Variants in TDRD3 observed in about 807,000 individuals in gnomAD.
TDRD3 encodes tudor domain-containing protein 3.
TDRD3 carries 45 observed loss-of-function variants against 86.7 expected under a neutral mutation model. The ratio of observed to expected loss-of-function variants is 0.52; its 90% CI spans 0.41 to 0.67. TDRD3 has a LOEUF of 0.67. Among genes scored for constraint, TDRD3 ranks in the 30% least tolerant of loss-of-function variants. TDRD3 has a pLI of 0.00. For synonymous variants in TDRD3, 298 were observed against 301.7 expected, an observed-to-expected ratio of 0.99 and a Z score of 0.13; for missense variants, 814 against 889.0, an observed-to-expected ratio of 0.92 and a Z score of 1.07.
chr13:60,421,559 T>G (rs991301706), intron 1 of TDRD3, among the ~76,000 whole-genome samples: 4 of 152,192 alleles, frequency 2.6e-5, no homozygotes, highest in Non-Finnish European at 4.4e-5. Context: ...CTAGGACTTA[T>G]GATAACTAGA....
At chr13:60,481,105 C>A (rs967137080) in intron 5 of TDRD3, among the ~76,000 whole-genome samples, 11 of 151,954 alleles carry the variant, frequency 7.2e-5, no homozygotes, top group Admixed American at 3.9e-4. Context: ...TCTGGTGGGG[C>A]AGTGGGGGCT....
intron 8 of TDRD3, among the ~76,000 whole-genome samples, chr13:60,506,357 A>G (rs1419725783): frequency 6.6e-6 from 1 of 152,232 alleles, no homozygotes. Flanking sequence ...TTTTATCACC[A>G]CCAGGCCTGC....
chr13:60,570,596 T>C (rs1386895252), intron 13 of TDRD3, among the ~76,000 whole-genome samples: 2 of 152,244 alleles, frequency 1.3e-5, no homozygotes, highest in Non-Finnish European at 2.9e-5. Context: ...GTATTTTATT[T>C]CTTTTTAATT....
chr13:60,448,642 G>A (rs530562223), intron 3 of TDRD3, among the ~76,000 whole-genome samples: 3 of 152,188 alleles, frequency 2.0e-5, no homozygotes, highest in South Asian at 4.1e-4. Context: ...TGACTGGAAG[G>A]AAGTGTGGTA....
Position 60,523,952 on chromosome 13 carries a change from T to C in TDRD3, c.1142-4415T>C, listed in dbSNP as rs116719734. Among the ~76,000 whole-genome samples, 1,025 of 152,218 alleles carry C rather than the reference T, an allele frequency of 6.7e-3. 6 individuals are homozygous for C. Among genetic ancestry groups the C allele is most frequent in the African/African-American group, 0.023 (947 of 41,534 alleles). On this transcript the variant is annotated intron_variant, in intron 10 of 13. Transcript: ENST00000377881. Reference sequence around the variant, plus strand: ...TTTAATATTAAATGTTACCCATTTCTACTTGTGCTTTTTTTTTTCCACCTT... The same window carrying C: ...TTTAATATTAAATGTTACCCATTTCCACTTGTGCTTTTTTTTTTCCACCTT...
intron 1 of TDRD3, among the ~76,000 whole-genome samples, chr13:60,432,658 T>C (rs904995528): frequency 3.9e-5 from 6 of 152,176 alleles, no homozygotes; most frequent in Non-Finnish European, 7.4e-5. Context: ...TTTTAAAAAA[T>C]ATCTTTACAA....
intron 4 of TDRD3, chr13:60,461,137 A>C (rs1490084763): frequency 6.6e-6 from 1 of 152,152 alleles, no homozygotes; most frequent in Non-Finnish European, 1.5e-5. Context: ...AATTGTTAGA[A>C]CAAACAGAAT....
chr13:60,540,502 A>G (rs1349392271), intron 12 of TDRD3, among the ~76,000 whole-genome samples: 1 of 152,214 alleles, frequency 6.6e-6, no homozygotes. Flanking sequence ...GCATTTATTC[A>G]TAAATGTATT....
At chr13:60,397,548 G>C (rs1157962495) in intron 1 of TDRD3, 143 bp downstream of exon 1, 2 of 576,090 alleles carry the variant, frequency 3.5e-6, no homozygotes, top group Non-Finnish European at 5.0e-6. Flanking sequence ...CTTCGGGCCG[G>C]CTCCGCCCCC....
intron 7 of TDRD3, among the ~76,000 whole-genome samples, chr13:60,488,189 A>G (rs1394897268): frequency 6.6e-6 from 1 of 152,194 alleles, no homozygotes; most frequent in African/African-American, 2.4e-5. Context: ...TTAGGGGTTT[A>G]TATAGCAGAG....
Position 60,557,820 on chromosome 13 carries a change from A to ATTTTTTTTTTTTTTT in TDRD3, c.2119-9697_2119-9683dup, listed in dbSNP as rs749028045. 3.5e-4 allele frequency among the ~76,000 whole-genome samples: 31 copies of ATTTTTTTTTTTTTTT among 88,284 alleles called. 6 individuals are homozygous for ATTTTTTTTTTTTTTT. Among genetic ancestry groups the ATTTTTTTTTTTTTTT allele is most frequent in the Non-Finnish European group, 5.3e-4 (24 of 45,046 alleles). The allele number at this position is 88,284 out of a possible 152,430, so 57.9% of individuals were successfully genotyped here. On this transcript the variant is annotated intron_variant, in intron 12 of 13. Transcript: ENST00000377881. ...GGCATAAAGGATTTTTTTTTTCCTG[A>ATTTTTTTTTTTTTTT]TTTTTTTTTTTTTTTTTTTTTTGAG...
At chr13:60,504,634 C>A (rs561849700) in intron 8 of TDRD3, among the ~76,000 whole-genome samples, 1 of 152,148 alleles carries the variant, frequency 6.6e-6, no homozygotes, top group African/African-American at 2.4e-5. Context: ...ATATTTGATT[C>A]GGTGGTGGCT....
chr13:60,451,192 C>T (rs1955531173), intron 3 of TDRD3, among the ~76,000 whole-genome samples: 1 of 152,152 alleles, frequency 6.6e-6, no homozygotes, highest in African/African-American at 2.4e-5. Flanking sequence ...AAGAAAATGC[C>T]AGATACTTTT....
intron 12 of TDRD3, among the ~76,000 whole-genome samples, chr13:60,551,276 A>T (rs934865506): frequency 1.3e-5 from 2 of 152,202 alleles, no homozygotes; most frequent in African/African-American, 4.8e-5. Flanking sequence ...TCTATGGAAA[A>T]TACCTATAAA....
chr13:60,551,675 C>CA (rs1958057096), intron 12 of TDRD3, among the ~76,000 whole-genome samples: 1 of 152,136 alleles, frequency 6.6e-6, no homozygotes, highest in South Asian at 2.1e-4. Flanking sequence ...TCCGTTTTCA[C>CA]ACTGCTGTCA....
intron 8 of TDRD3, among the ~76,000 whole-genome samples, chr13:60,504,874 G>A (rs1956902983): frequency 6.6e-6 from 1 of 152,158 alleles, no homozygotes; most frequent in South Asian, 2.1e-4. Context: ...TAAGCCATGA[G>A]GTATTGTGCC....
intron 12 of TDRD3, 95 bp downstream of exon 12, chr13:60,535,328 A>G: frequency 7.3e-7 from 1 of 1,370,654 alleles, no homozygotes; most frequent in Non-Finnish European, 9.6e-7. Context: ...ATGCAAGTGG[A>G]ATCATATTTT....
intron 8 of TDRD3, among the ~76,000 whole-genome samples, chr13:60,495,580 C>G (rs1396750343): frequency 6.6e-6 from 1 of 151,994 alleles, no homozygotes; most frequent in African/African-American, 2.4e-5. Flanking sequence ...TCTCCTCTCT[C>G]AGCCTCTTGA....
intron 7 of TDRD3, 46 bp from the exon 8 acceptor site, chr13:60,494,389 T>A: frequency 6.8e-7 from 1 of 1,471,976 alleles, no homozygotes; most frequent in African/African-American, 1.4e-5. Flanking sequence ...GAACTATTTT[T>A]AAATGCTGTC....
Sources: gnomAD v4.1 joint callset for allele counts (sites outside exome capture counted in the v4.1 genomes callset) on GRCh38, gnomAD v4.1.1 for gene constraint, MANE v1.5 for transcripts, NCBI Gene and HGNC (gene_info 2026-07-23, HGNC 2026-07-21) for gene names.